The following IGFBP7 variants were observed in gnomAD, a reference collection of about 807,000 sequenced individuals.
IGFBP7 encodes the protein insulin-like growth factor-binding protein 7.
In IGFBP7, 31 loss-of-function variants were observed where a neutral mutation model predicts 29.4. The observed-to-expected ratio is 1.05, with a 90% CI of 0.79 to 1.42. The LOEUF (loss-of-function observed/expected upper bound fraction) is 1.42, where lower values mean the gene tolerates loss of function less well. Ranked by LOEUF, IGFBP7 falls within the 40% of genes most tolerant of loss-of-function variation. The probability of loss-of-function intolerance (pLI) is 0.00; values close to 1 mark genes in which losing one functional copy is unlikely to be tolerated. For missense variants in IGFBP7, 393 were observed against 395.5 expected (o/e 0.99, Z 0.05); for synonymous variants, 172 against 174.9 (o/e 0.98, Z 0.13).
At chr4:57,046,246 C>T (rs547603518) in intron 1 of IGFBP7, among the ~76,000 whole-genome samples, 1 of 152,196 alleles carries the variant, frequency 6.6e-6, no homozygotes, top group East Asian at 1.9e-4. Context: ...ACTATCATCC[C>T]ACACATTCCA....
intron 1 of IGFBP7, among the ~76,000 whole-genome samples, chr4:57,099,624 C>T (rs144983600): frequency 6.6e-6 from 1 of 152,322 alleles, no homozygotes; most frequent in Non-Finnish European, 1.5e-5. Context: ...CACACGCAAA[C>T]ATTATGCTCC....
intron 1 of IGFBP7, among the ~76,000 whole-genome samples, chr4:57,087,355 A>T (rs1725522765): frequency 1.3e-5 from 2 of 152,234 alleles, no homozygotes; most frequent in African/African-American, 4.8e-5. Context: ...AGATGGGAAA[A>T]CACTGCCAAC....
In IGFBP7 at chr4:57,055,948, G is replaced by T. The variant is rs11573089; in HGVS notation, c.476-15015C>A. Reference sequence around the variant, plus strand: ...CCTTCAGACTTCCATGGAGCAGAGCGCAGGGCGTGATGGCTGCTTGGCGGG... The same window carrying T: ...CCTTCAGACTTCCATGGAGCAGAGCTCAGGGCGTGATGGCTGCTTGGCGGG... On this transcript the variant is annotated intron_variant, in intron 1 of 4. Coordinates refer to ENST00000295666, the MANE Select transcript of IGFBP7 (RefSeq NM_001553.3). Among the ~76,000 whole-genome samples the T allele has an allele frequency of 4.0e-3, 616 of 152,216 alleles. 20 individuals are homozygous for T. Among genetic ancestry groups the T allele is most frequent in the Admixed American group, 0.035 (533 of 15,296 alleles).
At chr4:57,051,138 G>GA (rs766370543) in intron 1 of IGFBP7, among the ~76,000 whole-genome samples, 46 of 152,174 alleles carry the variant, frequency 3.0e-4, no homozygotes, top group Non-Finnish European at 5.1e-4. Flanking sequence ...TACAAAACGG[G>GA]AAAAGAATAG....
chr4:57,109,844 C>A (rs1726131690), intron 1 of IGFBP7, 33 bp downstream of exon 1: 4 of 1,529,176 alleles, frequency 2.6e-6, no homozygotes, highest in Non-Finnish European at 3.5e-6. Flanking sequence ...GGCCGAGCGG[C>A]GCAGGGTTGG....
intron 1 of IGFBP7, among the ~76,000 whole-genome samples, chr4:57,085,087 C>G (rs10866442): frequency 0.81 from 123,575 of 152,070 alleles, 50,301 homozygotes; most frequent in East Asian, 0.96. Flanking sequence ...CTGCACCTGG[C>G]CTAGATCCTT....
chr4:57,105,796 A>C (rs1254773629), intron 1 of IGFBP7, among the ~76,000 whole-genome samples: 1 of 152,238 alleles, frequency 6.6e-6, no homozygotes, highest in African/African-American at 2.4e-5. Context: ...GGCTGGATGC[A>C]TAGCTCTAGA....
At chr4:57,079,701 T>C (rs1334639932) in intron 1 of IGFBP7, among the ~76,000 whole-genome samples, 1 of 152,210 alleles carries the variant, frequency 6.6e-6, no homozygotes, top group African/African-American at 2.4e-5. Context: ...TAAGTCAAAT[T>C]CTATATGAAA....
intron 1 of IGFBP7, among the ~76,000 whole-genome samples, chr4:57,088,975 C>T (rs1486159637): frequency 5.6e-5 from 8 of 142,324 alleles, no homozygotes; most frequent in Non-Finnish European, 1.1e-4. Context: ...GAGGTGGCAG[C>T]GAGTGGAGAT....
intron 2 of IGFBP7, 98 bp from the exon 3 acceptor site, chr4:57,033,409 C>T (rs919908919): frequency 2.0e-4 from 162 of 818,262 alleles, no homozygotes; most frequent in Non-Finnish European, 4.8e-5. Flanking sequence ...GTATGTCAGA[C>T]TTTCTAACAG....
At chr4:57,065,813 G>A (rs2109770127) in intron 1 of IGFBP7, among the ~76,000 whole-genome samples, 1 of 152,228 alleles carries the variant, frequency 6.6e-6, no homozygotes, top group Non-Finnish European at 1.5e-5. Context: ...CACTTCTCTG[G>A]TGGCCTCCTG....
chr4:57,109,406 G>A (rs11133485), intron 1 of IGFBP7, among the ~76,000 whole-genome samples: 148,227 of 152,188 alleles, frequency 0.97, 72,307 homozygotes, highest in East Asian at 1. Context: ...CCTCCACCCT[G>A]GGCGACAGAG....
intron 2 of IGFBP7, among the ~76,000 whole-genome samples, chr4:57,040,119 T>C (rs1724185134): frequency 6.6e-6 from 1 of 152,172 alleles, no homozygotes; most frequent in Non-Finnish European, 1.5e-5. Flanking sequence ...CCTCTGTCCC[T>C]AACTTATGGT....
chr4:57,050,612 A>G (rs970520485), intron 1 of IGFBP7, among the ~76,000 whole-genome samples: 1 of 151,894 alleles, frequency 6.6e-6, no homozygotes, highest in Non-Finnish European at 1.5e-5. Context: ...TGCTACGATC[A>G]TAGCTCACTG....
intron 1 of IGFBP7, among the ~76,000 whole-genome samples, chr4:57,081,899 C>G (rs1389122301): frequency 1.3e-5 from 2 of 152,158 alleles, no homozygotes; most frequent in East Asian, 3.9e-4. Context: ...CCCTGCCTTC[C>G]TGGTCCTTTG....
rs752570435 is a variant in IGFBP7, at chr4:57,031,343, A to T, written c.830-7T>A. 3.9e-5 allele frequency: 19 copies of T among 491,878 alleles called. No individual in the cohort carries two copies. The highest frequency in any genetic ancestry group is 1.4e-4 in the East Asian group (2 of 13,838). The allele number at this position is 491,878 out of a possible 1,614,324, so 30.5% of individuals were successfully genotyped here. ...TATAGCTCGGCACCTTCACCTGTTT[A>T]AAAAAAAAAAAAGATAAAAATTAGT... is the stretch of plus-strand genomic sequence containing the variant. On this transcript the variant is annotated splice_polypyrimidine_tract_variant and splice_region_variant and intron_variant, in intron 4 of 4. Transcript: ENST00000295666.
intron 1 of IGFBP7, among the ~76,000 whole-genome samples, chr4:57,045,568 G>A (rs753381116): frequency 1.3e-5 from 2 of 152,058 alleles, no homozygotes; most frequent in African/African-American, 2.4e-5. Context: ...TGGCCTCCAC[G>A]TGACTTCCTG....
chr4:57,063,077 C>G (rs1560498231), intron 1 of IGFBP7, among the ~76,000 whole-genome samples: 1 of 152,150 alleles, frequency 6.6e-6, no homozygotes, highest in Non-Finnish European at 1.5e-5. Context: ...ATGTCTTGCC[C>G]TCCCTAGCCC....
intron 1 of IGFBP7, among the ~76,000 whole-genome samples, chr4:57,043,859 T>G (rs1000784162): frequency 1.3e-5 from 2 of 152,166 alleles, no homozygotes; most frequent in Admixed American, 1.3e-4. Flanking sequence ...CCTCACCCTA[T>G]CCCGGGCTTC....
Sources: allele counts gnomAD v4.1 joint callset (sites outside exome capture counted in the v4.1 genomes callset), GRCh38; gene constraint gnomAD v4.1.1; transcripts MANE v1.5; gene names NCBI Gene and HGNC (gene_info 2026-07-23, HGNC 2026-07-21).